Variants in STK11 observed in about 807,000 individuals in gnomAD.
STK11 encodes serine/threonine-protein kinase STK11.
In STK11, 8 loss-of-function variants were observed where a neutral mutation model predicts 47.3. The ratio of observed to expected loss-of-function variants is 0.17; its 90% confidence interval spans 0.10 to 0.31. The LOEUF is 0.31. Among genes scored for constraint, STK11 ranks in the 10% least tolerant of loss-of-function variants. The pLI, the probability that STK11 is intolerant of heterozygous loss-of-function variation, is 1.00. For missense variants in STK11, 475 were observed against 605.0 expected (o/e 0.79, Z 2.25); for synonymous variants, 330 against 255.8 (o/e 1.29, Z -2.77).
At position 1,219,552 on chromosome 19, in the gene STK11, G is replaced by GTTTTTT. The variant is rs775348337; in HGVS notation, c.464+140_464+141insTTTTTT. 3.0e-5 allele frequency: 25 copies of GTTTTTT among 842,306 alleles called. 1 individual carries two copies. The highest frequency in any genetic ancestry group is 2.7e-4 in the South Asian group (13 of 48,380). 52.2% of individuals were successfully genotyped at this position (842,306 alleles called of 1,614,324 possible). ...AGTTTTTTTGTTTTTTTGTTTTTTTGTGTTTTTTTTCGAGATGGAGTCTCA... is the reference window on the plus strand; with the variant it reads ...AGTTTTTTTGTTTTTTTGTTTTTTTGTTTTTTTGTTTTTTTTCGAGATGGAGTCTCA... On this transcript the variant is annotated intron_variant, in intron 3 of 9. Transcript: ENST00000326873.
At chr19:1,218,566 C>A in intron 2 of STK11, 66 bp downstream of exon 2, 1 of 1,344,460 alleles carries the variant, frequency 7.4e-7, no homozygotes, top group Non-Finnish European at 1.1e-6. Flanking sequence ...GGTCCGCCTG[C>A]CTCGAGGCCT....
In STK11 at chr19:1,227,781, G is replaced by A. The variant is rs1263407390; in HGVS notation, c.*205G>A. On this transcript the variant is annotated 3_prime_UTR_variant, in exon 10 of 10. Transcript: ENST00000326873. ...CGCAGCCCTCCCCCCTCGGCCGCCC[G>A]GCAGTGCACGCGGCTTGTTGACTTC... is the stretch of plus-strand genomic sequence containing the variant. 1.9e-6 allele frequency: 2 copies of A among 1,074,270 alleles called. No homozygotes were observed. The highest frequency in any genetic ancestry group is 2.3e-6 in the Non-Finnish European group (2 of 884,848). The allele number at this position is 1,074,270 out of a possible 1,614,324, so 66.5% of individuals were successfully genotyped here. A position where few individuals can be genotyped will look rare whatever the true frequency, so the allele number is the denominator to read the frequency against.
In STK11 at chr19:1,221,974, G is replaced by T. The variant is rs1555738868; in HGVS notation, c.888G>T (p.Lys296Asn). 3 of 1,567,668 alleles carry T rather than the reference G, an allele frequency of 1.9e-6. No individual in the cohort carries two copies. Among genetic ancestry groups the T allele is most frequent in the Non-Finnish European group, 2.6e-6 (3 of 1,157,136 alleles). Reference sequence around the variant, plus strand: ...GGATGCTTGAGTACGAACCGGCCAAGAGGTTCTCCATCCGGCAGATCCGGC... The same window carrying T: ...GGATGCTTGAGTACGAACCGGCCAATAGGTTCTCCATCCGGCAGATCCGGC... ...LKGMLEYEPA[K>N]RFSIRQIRQH... is the part of the protein sequence containing the mutation. Residue 296 changes from lysine (K) to asparagine (N), a missense_variant, in exon 7 of 10, where the codon AAG becomes AAT. Around this residue, in one of 5 missense-constraint regions of STK11, gnomAD observed 130 missense variants for 239.7 expected, o/e 0.54. Transcript: ENST00000326873.
chr19:1,220,523 G>T lies in STK11; in HGVS notation c.597+18G>T, dbSNP rs1555738291. 6.3e-7 allele frequency: 1 copy of T among 1,589,900 alleles called. No homozygotes were observed. The highest frequency in any genetic ancestry group is 2.3e-5 in the East Asian group (1 of 43,844). On this transcript the variant is annotated intron_variant, in intron 4 of 9. Coordinates refer to ENST00000326873, the MANE Select transcript of STK11 (RefSeq NM_000455.5). ...TGGCCGAGGTAGGCACGTGCTAGGGGGGGCCCTGGGGCGCCCCCTCCCGGG... is the reference window on the plus strand; with the variant it reads ...TGGCCGAGGTAGGCACGTGCTAGGGTGGGCCCTGGGGCGCCCCCTCCCGGG...
At chr19:1,207,233 G>C (rs781028343) in intron 1 of STK11, 30 bp downstream of exon 1, 1 of 1,571,532 alleles carries the variant, frequency 6.4e-7, no homozygotes, top group Non-Finnish European at 8.6e-7. Flanking sequence ...GTCGGGGCCG[G>C]GCCGGGCCAG....
At chr19:1,227,572 C>T (rs2080834735) in intron 9 of STK11, 21 bp from the exon 10 acceptor site, 3 of 1,063,762 alleles carry the variant, frequency 2.8e-6, no homozygotes, top group South Asian at 4.5e-5. Flanking sequence ...TGACCTCTTC[C>T]GTCTTCCTTC....
Position 1,227,829 on chromosome 19 carries a change from C to G in STK11, c.*253C>G. On this transcript the variant is annotated 3_prime_UTR_variant, in exon 10 of 10. Coordinates refer to ENST00000326873, the MANE Select transcript of STK11 (RefSeq NM_000455.5). ...TTCGCAGCCCCGGGCGGAGCCTTCCCGGGCGGGCGTGGGAGGAGGGAGGCG... is the reference window on the plus strand; with the variant it reads ...TTCGCAGCCCCGGGCGGAGCCTTCCGGGGCGGGCGTGGGAGGAGGGAGGCG... 9.3e-7 allele frequency: 1 copy of G among 1,071,346 alleles called. No homozygotes were observed. The allele number at this position is 1,071,346 out of a possible 1,614,324, so 66.4% of individuals were successfully genotyped here.
chr19:1,224,558 C>T (rs2080807888), intron 8 of STK11: 1 of 985,514 alleles, frequency 1.0e-6, no homozygotes, highest in Middle Eastern at 5.2e-4. Context: ...TTGCGAGAGT[C>T]CCTACTGGGA....
intron 1 of STK11, chr19:1,216,320 A>G (rs1038039678): frequency 9.3e-5 from 16 of 172,406 alleles, no homozygotes; most frequent in African/African-American, 3.6e-4. Flanking sequence ...TGTCCTGGAT[A>G]TTGCATAGAA....
chr19:1,214,567 C>T (rs1269429739), intron 1 of STK11, among the ~76,000 whole-genome samples: 6 of 152,224 alleles, frequency 3.9e-5, no homozygotes, highest in South Asian at 2.1e-4. Flanking sequence ...TGGTGGCCGG[C>T]GCAGGGAGGT....
chr19:1,223,184 G>C lies in STK11; in HGVS notation c.1108+12G>C, dbSNP rs1057521545. On this transcript the variant is annotated intron_variant, in intron 8 of 9. Transcript: ENST00000326873. ...CTTCACGGTGCCCGGTGAGTCTGGCGGGGGCCCCTGCCCGGCTCTGCTGAC... is the reference window on the plus strand; with the variant it reads ...CTTCACGGTGCCCGGTGAGTCTGGCCGGGGCCCCTGCCCGGCTCTGCTGAC... 1.2e-6 allele frequency: 2 copies of C among 1,605,064 alleles called. No individual in the cohort carries two copies. The highest frequency in any genetic ancestry group is 4.5e-5 in the East Asian group (2 of 44,586).
chr19:1,206,869 G>GC lies in STK11; in HGVS notation c.-44dup, dbSNP rs1305155905. The GC allele has an allele frequency of 6.5e-7, 1 of 1,530,866 alleles. No individual in the cohort carries two copies. The highest frequency in any genetic ancestry group is 8.8e-7 in the Non-Finnish European group (1 of 1,131,468). The allele number at this position is 1,530,866 out of a possible 1,614,324, so 94.8% of individuals were successfully genotyped here. On this transcript the variant is annotated 5_prime_UTR_variant, in exon 1 of 10. Transcript: ENST00000326873. Reference sequence around the variant, plus strand: ...GAACACAAGGAAGGACCGCTCACCCGCGGACTCAGGGCTGGCGGCGGGACT... The same window carrying GC: ...GAACACAAGGAAGGACCGCTCACCCGCCGGACTCAGGGCTGGCGGCGGGACT...
intron 8 of STK11, 135 bp downstream of exon 8, chr19:1,223,307 GCCCAC>G: frequency 2.6e-6 from 3 of 1,140,502 alleles, no homozygotes; most frequent in Non-Finnish European, 3.7e-6. Flanking sequence ...AAAGCCTCCA[GCCCAC>G]CTGCAGGCTG....
intron 1 of STK11, 96 bp downstream of exon 1, chr19:1,207,299 TC>T: frequency 6.9e-7 from 1 of 1,458,306 alleles, no homozygotes; most frequent in Non-Finnish European, 9.2e-7. Context: ...CTCCCTTACT[TC>T]CTCTTAACAC....
chr19:1,221,841 G>A (rs2080786539), intron 6 of STK11, 108 bp from the exon 7 acceptor site: 5 of 1,336,856 alleles, frequency 3.7e-6, no homozygotes, highest in Admixed American at 2.0e-5. Flanking sequence ...CCTTAGGAGC[G>A]TCCAGGTATC....
Position 1,206,490 on chromosome 19 carries a change from A to G in STK11, c.-424A>G. The G allele has an allele frequency of 4.0e-6, 1 of 251,130 alleles. No individual in the cohort carries two copies. The highest frequency in any genetic ancestry group is 1.4e-4 in the South Asian group (1 of 7,324). 15.6% of individuals were successfully genotyped at this position (251,130 alleles called of 1,614,324 possible). On this transcript the variant is annotated 5_prime_UTR_variant, in exon 1 of 10. Coordinates refer to ENST00000326873, the MANE Select transcript of STK11 (RefSeq NM_000455.5). ...GCCTGTGGGATGGGCGGCCCGGAGAAGACTGCGCTCGGCCGTGTTCATACT... is the reference window on the plus strand; with the variant it reads ...GCCTGTGGGATGGGCGGCCCGGAGAGGACTGCGCTCGGCCGTGTTCATACT...
At chr19:1,221,889 C>T (rs1008586426) in intron 6 of STK11, 60 bp from the exon 7 acceptor site, 21 of 1,538,386 alleles carry the variant, frequency 1.4e-5, no homozygotes, top group Middle Eastern at 1.7e-4. Flanking sequence ...CAGGCGGGGA[C>T]GGTTGGTGGG....
rs944831682 is a variant in STK11 at position 1,227,930 on chromosome 19, G to A, written c.*354G>A. ...CTCCGCAGGGCGCCCAGCGCCGTCC[G>A]GCGGCCCCGCCGCAGACCAGCTGGC... On this transcript the variant is annotated 3_prime_UTR_variant, in exon 10 of 10. Coordinates refer to ENST00000326873, the MANE Select transcript of STK11 (RefSeq NM_000455.5). The A allele has an allele frequency of 2.1e-5, 22 of 1,070,094 alleles. No homozygotes were observed. The African/African-American group carries it at 2.9e-4, about 14-fold the overall frequency. The allele number at this position is 1,070,094 out of a possible 1,614,324, so 66.3% of individuals were successfully genotyped here. A position where few individuals can be genotyped will look rare whatever the true frequency, so the allele number is the denominator to read the frequency against.
At position 1,225,161 on chromosome 19, in the gene STK11, C is replaced by T. The variant is rs564138291; in HGVS notation, c.1109-1293C>T. 1.8e-5 allele frequency: 18 copies of T among 985,438 alleles called. No individual in the cohort carries two copies. The East Asian group carries it at 5.7e-4, about 31-fold the overall frequency. The allele number at this position is 985,438 out of a possible 1,614,324, so 61.0% of individuals were successfully genotyped here. A position where few individuals can be genotyped will look rare whatever the true frequency, so the allele number is the denominator to read the frequency against. On this transcript the variant is annotated intron_variant, in intron 8 of 9. Coordinates refer to ENST00000326873, the MANE Select transcript of STK11 (RefSeq NM_000455.5). ...GCAAGGGCCCAGTGGCGGCTGTGCC[C>T]GCTGATGCAGAGCTGGGGCACCTTG...
Sources: gnomAD v4.1 joint callset for allele counts (sites outside exome capture counted in the v4.1 genomes callset) on GRCh38, gnomAD v4.1.1 for gene constraint, gnomAD v4.1.1 regional missense constraint, MANE v1.5 for transcripts, NCBI Gene and HGNC (gene_info 2026-07-23, HGNC 2026-07-21) for gene names.